EMX1: variants seen among roughly 807,000 people sequenced by gnomAD.
The protein encoded by EMX1 is homeobox protein EMX1.
EMX1 carries 10 observed loss-of-function variants against 20.1 expected under a neutral mutation model. That is an observed-to-expected ratio of 0.50 (90% CI 0.31 to 0.84). The LOEUF is 0.84. Ranked by LOEUF, EMX1 falls within the 40% of genes least tolerant of loss-of-function variation. The pLI is 0.05. For synonymous variants in EMX1, 250 were observed against 200.4 expected (o/e 1.25, Z -2.09); for missense variants, 424 against 431.9 (o/e 0.98, Z 0.16).
rs537321035 is a variant in EMX1 at position 72,934,222 on chromosome 2, G to A, written c.*268G>A. On this transcript the variant is annotated 3_prime_UTR_variant, in exon 3 of 3. Transcript: ENST00000258106. ...CACCGCAGCCTCCCAGCTGCTCTCC[G>A]TGTCTCCAATCTCCCTTTTGTTTTG... is the stretch of plus-strand genomic sequence containing the variant. 3.7e-5 allele frequency: 18 copies of A among 490,616 alleles called. No homozygotes were observed. Among genetic ancestry groups the A allele is most frequent in the East Asian group, 6.7e-5 (2 of 29,858 alleles). The allele number at this position is 490,616 out of a possible 1,614,324, so 30.4% of individuals were successfully genotyped here. A position where few individuals can be genotyped will look rare whatever the true frequency, so the allele number is the denominator to read the frequency against.
Position 72,927,976 on chromosome 2 carries a change from G to T in EMX1, c.705+3483G>T, listed in dbSNP as rs1671230599. 1.3e-5 allele frequency among the ~76,000 whole-genome samples: 2 copies of T among 152,116 alleles called. 1 individual carries two copies. The highest frequency in any genetic ancestry group is 4.1e-4 in the South Asian group (2 of 4,824). On this transcript the variant is annotated intron_variant, in intron 2 of 2. Transcript: ENST00000258106. ...TAGATTATGCATATACCAGTTTGTG[G>T]ATAAAACTTCTCGGAGGGTTACTCA...
chr2:72,926,722 T>C (rs534929673), intron 2 of EMX1, among the ~76,000 whole-genome samples: 257 of 152,150 alleles, frequency 1.7e-3, no homozygotes, highest in Admixed American at 3.3e-3. Flanking sequence ...TTAATCCCCA[T>C]CCCTAGTCCC....
In EMX1 at chr2:72,917,552, T is replaced by TGGGCA. The variant is rs923217615; in HGVS notation, c.-294_-290dup. 1 of 193,690 alleles carries TGGGCA rather than the reference T, an allele frequency of 5.2e-6. No homozygotes were observed. The highest frequency in any genetic ancestry group is 1.0e-5 in the Non-Finnish European group (1 of 96,286). The allele number at this position is 193,690 out of a possible 1,614,324, so 12.0% of individuals were successfully genotyped here. Reference sequence around the variant, plus strand: ...CCTCGCAGCGCTGGGCGGCCGGGGCTGGGCAGGGCAGTGCGGGGACACCGG... The same window carrying TGGGCA: ...CCTCGCAGCGCTGGGCGGCCGGGGCTGGGCAGGGCAGGGCAGTGCGGGGACACCGG... On this transcript the variant is annotated 5_prime_UTR_variant, in exon 1 of 3. Coordinates refer to ENST00000258106, the MANE Select transcript of EMX1 (RefSeq NM_004097.3).
chr2:72,917,625 C>T lies in EMX1; in HGVS notation c.-228C>T, dbSNP rs1013295355. 2 of 245,790 alleles carry T rather than the reference C, an allele frequency of 8.1e-6. No homozygotes were observed. The highest frequency in any genetic ancestry group is 4.6e-5 in the African/African-American group (2 of 43,846). 15.2% of individuals were successfully genotyped at this position (245,790 alleles called of 1,614,324 possible). A position where few individuals can be genotyped will look rare whatever the true frequency, so the allele number is the denominator to read the frequency against. On this transcript the variant is annotated 5_prime_UTR_variant, in exon 1 of 3. Transcript: ENST00000258106. ...GACTCCGAAAGGAGGGAGACGAGCT[C>T]AACCCTCGGGCCTTACTGGCAGCTC...
At chr2:72,920,344 T>A (rs1158244673) in intron 1 of EMX1, among the ~76,000 whole-genome samples, 1 of 152,214 alleles carries the variant, frequency 6.6e-6, no homozygotes, top group East Asian at 1.9e-4. Flanking sequence ...GATTTTTCCC[T>A]CAAGAACCGA....
At chr2:72,920,455 C>T (rs1288222757) in intron 1 of EMX1, among the ~76,000 whole-genome samples, 9 of 152,212 alleles carry the variant, frequency 5.9e-5, no homozygotes, top group Non-Finnish European at 7.4e-5. Flanking sequence ...TGTTGCTTCG[C>T]GGTCCATCGT....
At chr2:72,927,285 A>C (rs946375967) in intron 2 of EMX1, among the ~76,000 whole-genome samples, 3 of 152,196 alleles carry the variant, frequency 2.0e-5, no homozygotes, top group Admixed American at 6.5e-5. Context: ...CAAACAGTAT[A>C]TTCATATGTC....
rs1671322274 is a variant in EMX1 at position 72,933,796 on chromosome 2, T to C, written c.715T>C (p.Trp239Arg). ...TCCCTCCCTGGCCCAGGTGAAGGTG[T>C]GGTTCCAGAACCGGAGGACAAAGTA... ...LSLSETQVKV[W>R]FQNRRTKYKR... The change falls in exon 3 of 3, where the codon TGG (tryptophan) becomes CGG (arginine). Residue 239 changes from tryptophan (W) to arginine (R), a missense_variant. Physicochemically the swap from Trp to Arg is moderately radical, Grantham distance 101. This residue lies in a region of EMX1 where 91 missense variants were observed against 135.2 expected (regional missense o/e 0.67). Transcript: ENST00000258106. 6.2e-7 allele frequency: 1 copy of C among 1,614,060 alleles called. No individual in the cohort carries two copies. Among genetic ancestry groups the C allele is most frequent in the African/African-American group, 1.3e-5 (1 of 74,924 alleles).
intron 1 of EMX1, among the ~76,000 whole-genome samples, chr2:72,918,961 G>C (rs1018908765): frequency 6.6e-6 from 1 of 152,254 alleles, no homozygotes; most frequent in African/African-American, 2.4e-5. Context: ...CAAGTCACAC[G>C]TGCCTCTCCT....
At position 72,930,886 on chromosome 2, in the gene EMX1, C is replaced by G. The variant is rs1671269314; in HGVS notation, c.706-2901C>G. ...AAAGAAGAAAGAAACATCACCCACA[C>G]TTTAGGTATATTTCCTTCTAGTCTT... On this transcript the variant is annotated intron_variant, in intron 2 of 2. Coordinates refer to ENST00000258106, the MANE Select transcript of EMX1 (RefSeq NM_004097.3). This position sits in a 1 kb window ranked among gnomAD's most constrained non-coding sequence, Gnocchi z 4.4. 2.0e-5 allele frequency among the ~76,000 whole-genome samples: 3 copies of G among 152,304 alleles called. No individual in the cohort carries two copies. The highest frequency in any genetic ancestry group is 4.4e-5 in the Non-Finnish European group (3 of 68,024).
rs1317866643 is a variant in EMX1 at position 72,917,942 on chromosome 2, G to A, written c.90G>A (p.Ala30=). 2.0e-6 allele frequency: 3 copies of A among 1,486,200 alleles called. No homozygotes were observed. The highest frequency in any genetic ancestry group is 2.7e-6 in the Non-Finnish European group (3 of 1,126,072). 92.1% of individuals were successfully genotyped at this position (1,486,200 alleles called of 1,614,324 possible). ...CCCGGCTGCCTCGCACAGCTCCCGC[G>A]GCTGCGACCATGTTCCAGCCCGCGG... ...PRARLPRTAP[A]AATMFQPAAK... Residue 30 remains alanine, a synonymous_variant, in exon 1 of 3, where the codon GCG becomes GCA. Transcript: ENST00000258106.
At chr2:72,931,850 TAA>T (rs775397546) in intron 2 of EMX1, among the ~76,000 whole-genome samples, 24 of 152,338 alleles carry the variant, frequency 1.6e-4, no homozygotes, top group Middle Eastern at 3.4e-3. Flanking sequence ...GCCAGTGCTC[TAA>T]AATCAGTGCT....
Position 72,918,042 on chromosome 2 carries a change from G to T in EMX1, c.190G>T (p.Ala64Ser). Residue 64 changes from alanine to serine, a missense_variant, in exon 1 of 3, where the codon GCG becomes TCG. Transcript: ENST00000258106. ...CGGCGGGGGCACTGGCGGCGGGGGC[G>T]CGGGCTCCCATCTCCTGGCGGCGGC... ...GTGGGTGGGG[A>S]GSHLLAAAAS... 7.0e-7 allele frequency: 1 copy of T among 1,419,912 alleles called. No homozygotes were observed. The highest frequency in any genetic ancestry group is 9.1e-7 in the Non-Finnish European group (1 of 1,096,242). 88.0% of individuals were successfully genotyped at this position (1,419,912 alleles called of 1,614,324 possible).
In EMX1 at chr2:72,918,090, C is replaced by A; in HGVS notation, c.238C>A (p.Pro80Thr). 6.9e-7 allele frequency: 1 copy of A among 1,446,254 alleles called. No individual in the cohort carries two copies. Among genetic ancestry groups the A allele is most frequent in the South Asian group, 1.4e-5 (1 of 72,134 alleles). The allele number at this position is 1,446,254 out of a possible 1,614,324, so 89.6% of individuals were successfully genotyped here. A position where few individuals can be genotyped will look rare whatever the true frequency, so the allele number is the denominator to read the frequency against. The change falls in exon 1 of 3, where the codon CCC becomes ACC. Residue 80 changes from proline (P) to threonine (T), a missense_variant. Around this residue, in one of 2 missense-constraint regions of EMX1, gnomAD observed 333 missense variants for 296.6 expected, o/e 1.12. Coordinates refer to ENST00000258106, the MANE Select transcript of EMX1 (RefSeq NM_004097.3). The part of the protein sequence containing the change: ...AAAASEEPLR[P>T]TALNYPHPSA... ...GGCCGCCTCCGAGGAACCGCTCCGG[C>A]CCACGGCGCTCAACTACCCTCACCC... is the stretch of plus-strand genomic sequence containing the variant.
chr2:72,918,528 G>A (rs1257563132), intron 1 of EMX1, among the ~76,000 whole-genome samples, 156 bp downstream of exon 1: 1 of 152,246 alleles, frequency 6.6e-6, no homozygotes, highest in Non-Finnish European at 1.5e-5. Context: ...AGAGCTGTGC[G>A]GCATCCACCC....
upstream of EMX1, chr2:72,916,582 G>A: frequency 3.2e-6 from 2 of 624,690 alleles, no homozygotes; most frequent in Non-Finnish European, 5.8e-6. Flanking sequence ...AAAACTGGCC[G>A]GAGCAGAGTC....
At chr2:72,928,157 G>C (rs1434785016) in intron 2 of EMX1, among the ~76,000 whole-genome samples, 3 of 152,200 alleles carry the variant, frequency 2.0e-5, no homozygotes, top group Non-Finnish European at 2.9e-5. Flanking sequence ...CAATCTAGGA[G>C]ATGAGGGAAG....
intron 1 of EMX1, among the ~76,000 whole-genome samples, chr2:72,922,289 C>T (rs1377345377): frequency 2.0e-5 from 3 of 152,236 alleles, no homozygotes; most frequent in African/African-American, 7.2e-5. Flanking sequence ...ACCCACCTTT[C>T]CCTGGCCTAC....
chr2:72,927,425 C>T (rs182469802), intron 2 of EMX1, among the ~76,000 whole-genome samples: 3 of 152,336 alleles, frequency 2.0e-5, no homozygotes, highest in South Asian at 2.1e-4. Flanking sequence ...TGTGACTCCT[C>T]TACATTCTAC....
Sources: allele counts gnomAD v4.1 joint callset (sites outside exome capture counted in the v4.1 genomes callset), GRCh38; gene constraint gnomAD v4.1.1; regional missense constraint gnomAD v4.1.1; non-coding constraint Gnocchi (gnomAD v3.1); transcripts MANE v1.5; gene names NCBI Gene and HGNC (gene_info 2026-07-23, HGNC 2026-07-21).